The following TUFT1 variants were observed in gnomAD, a reference collection of about 807,000 sequenced individuals.
TUFT1 encodes the protein tuftelin 1, also known as tuftelin.
In TUFT1, 43 loss-of-function variants were observed where a neutral mutation model predicts 57.8. That is an observed-to-expected ratio of 0.74 (90% CI 0.58 to 0.96). TUFT1 has a LOEUF of 0.96. Ranked by LOEUF, TUFT1 falls within the 40% of genes least tolerant of loss-of-function variation. TUFT1 has a pLI of 0.00. For synonymous variants in TUFT1, 166 were observed against 176.7 expected (o/e 0.94, Z 0.48); for missense variants, 459 against 489.0 (o/e 0.94, Z 0.58).
intron 7 of TUFT1, among the ~76,000 whole-genome samples, chr1:151,570,987 A>G (rs911245638): frequency 6.6e-6 from 1 of 152,130 alleles, no homozygotes; most frequent in African/African-American, 2.4e-5. Flanking sequence ...GATTACAGGC[A>G]TGAGCCACCA....
At chr1:151,548,891 G>A (rs1051685379) in intron 1 of TUFT1, among the ~76,000 whole-genome samples, 1 of 152,148 alleles carries the variant, frequency 6.6e-6, no homozygotes, top group Non-Finnish European at 1.5e-5. Flanking sequence ...ATTCACATGA[G>A]CCTGTGGTGT....
intron 1 of TUFT1, among the ~76,000 whole-genome samples, chr1:151,551,865 A>C (rs1324872542): frequency 6.6e-6 from 1 of 152,150 alleles, no homozygotes; most frequent in Non-Finnish European, 1.5e-5. Context: ...TTTAATAGTA[A>C]CATATATACA....
In TUFT1 at chr1:151,574,254, C is replaced by G; in HGVS notation, c.595-16C>G. ...TTTTTCCACACCATTTAACATATTC[C>G]TGCTCCGTGTTTTAGGTCACACTCA... On this transcript the variant is annotated splice_polypyrimidine_tract_variant and intron_variant, in intron 7 of 12. Transcript: ENST00000368849. 6.2e-7 allele frequency: 1 copy of G among 1,611,146 alleles called. No individual in the cohort carries two copies. The highest frequency in any genetic ancestry group is 1.1e-5 in the South Asian group (1 of 90,530).
rs114000984 is a variant in TUFT1 at position 151,552,197 on chromosome 1, T to G, written c.61-9894T>G. On this transcript the variant is annotated intron_variant, in intron 1 of 12. Coordinates refer to ENST00000368849, the MANE Select transcript of TUFT1 (RefSeq NM_020127.3). ...TGTACAGTGCTTCATTCTTTTTCAT[T>G]GTTGTACAAAGTTCCATTGTATGAA... is the stretch of plus-strand genomic sequence containing the variant. Among the ~76,000 whole-genome samples, 749 of 152,336 alleles carry G rather than the reference T, an allele frequency of 4.9e-3. 4 individuals carry two copies. Among genetic ancestry groups the G allele is most frequent in the African/African-American group, 0.017 (717 of 41,566 alleles).
rs1665779174 is a variant in TUFT1 at position 151,558,345 on chromosome 1, T to TAACCTTTGAGGG, written c.61-3744_61-3733dup. 2.6e-5 allele frequency among the ~76,000 whole-genome samples: 4 copies of TAACCTTTGAGGG among 151,724 alleles called. No homozygotes were observed. The South Asian group carries it at 8.4e-4, about 32-fold the overall frequency. On this transcript the variant is annotated intron_variant, in intron 1 of 12. Transcript: ENST00000368849. ...CTCTCTGTCATTTCCGAAGAGAAAA[T>TAACCTTTGAGGG]AACCTTTGAGGGATCCCCTCAAAGG...
chr1:151,549,853 C>T (rs1665454124), intron 1 of TUFT1, among the ~76,000 whole-genome samples: 14 of 152,180 alleles, frequency 9.2e-5, no homozygotes, highest in Admixed American at 9.2e-4. Context: ...TCCCTAGTAG[C>T]TGGGACTGCA....
intron 3 of TUFT1, 103 bp from the exon 4 acceptor site, chr1:151,563,801 G>T: frequency 1.1e-6 from 1 of 919,150 alleles, no homozygotes; most frequent in Non-Finnish European, 1.8e-6. Context: ...CCAGTAAATT[G>T]GTGGTAACAA....
rs143645231 is a variant in TUFT1, at chr1:151,541,765, C to A, written c.60+1339C>A. Among the ~76,000 whole-genome samples the A allele has an allele frequency of 5.3e-3, 811 of 152,330 alleles. 6 individuals are homozygous for A. The highest frequency in any genetic ancestry group is 0.018 in the African/African-American group (748 of 41,566). On this transcript the variant is annotated intron_variant, in intron 1 of 12. Transcript: ENST00000368849. ...CCAAACCCCATTCTTCTGTAGCCTG[C>A]CACATCCCCAGCTATGAGACTCTGA... is the stretch of plus-strand genomic sequence containing the variant.
At chr1:151,566,310 C>T (rs45591937) in intron 6 of TUFT1, 82 bp downstream of exon 6, 32,955 of 451,258 alleles carry the variant, frequency 0.073, 614 homozygotes, top group Non-Finnish European at 0.095. Context: ...TTATTGCTTT[C>T]TCTCTCTCTC....
In TUFT1 at chr1:151,561,699, C is replaced by G. The variant is rs1033406990; in HGVS notation, c.61-392C>G. 2.3e-6 allele frequency: 3 copies of G among 1,291,022 alleles called. No homozygotes were observed. In the African/African-American group the frequency reaches 4.5e-5, roughly 20 times the overall value. 80.0% of individuals were successfully genotyped at this position (1,291,022 alleles called of 1,614,324 possible). A position where few individuals can be genotyped will look rare whatever the true frequency, so the allele number is the denominator to read the frequency against. Reference sequence around the variant, plus strand: ...CTAGTCTTGTAAAGTGCATCAATAACTTGCTGGCTGGTTGTCAGGAGCAGA... The same window carrying G: ...CTAGTCTTGTAAAGTGCATCAATAAGTTGCTGGCTGGTTGTCAGGAGCAGA... On this transcript the variant is annotated intron_variant, in intron 1 of 12. Coordinates refer to ENST00000368849, the MANE Select transcript of TUFT1 (RefSeq NM_020127.3).
At chr1:151,574,623 C>A (rs1208548744) in intron 8 of TUFT1, among the ~76,000 whole-genome samples, 1 of 152,218 alleles carries the variant, frequency 6.6e-6, no homozygotes, top group African/African-American at 2.4e-5. Flanking sequence ...TGTACAGATG[C>A]CCCTTTTGAA....
At chr1:151,556,008 C>T (rs2102528953) in intron 1 of TUFT1, among the ~76,000 whole-genome samples, 1 of 152,230 alleles carries the variant, frequency 6.6e-6, no homozygotes, top group Non-Finnish European at 1.5e-5. Flanking sequence ...CCCTCCTCCC[C>T]CCCACTTTCT....
At chr1:151,541,366 G>A (rs1040105213) in intron 1 of TUFT1, among the ~76,000 whole-genome samples, 3 of 152,178 alleles carry the variant, frequency 2.0e-5, no homozygotes, top group African/African-American at 7.2e-5. Context: ...CCTCTCCAGA[G>A]GCTGAGGAGG....
chr1:151,577,765 G>A (rs1666521680), intron 9 of TUFT1, among the ~76,000 whole-genome samples: 1 of 152,190 alleles, frequency 6.6e-6, no homozygotes, highest in Non-Finnish European at 1.5e-5. Flanking sequence ...GCTCACACCT[G>A]TAATCCTAGC....
At chr1:151,555,699 C>G (rs1380798476) in intron 1 of TUFT1, among the ~76,000 whole-genome samples, 2 of 150,428 alleles carry the variant, frequency 1.3e-5, no homozygotes, top group Non-Finnish European at 3.0e-5. Context: ...ATCGTTTGAA[C>G]CCAGGAGGCA....
chr1:151,575,096 T>C, intron 9 of TUFT1, 91 bp downstream of exon 9: 1 of 1,170,210 alleles, frequency 8.5e-7, no homozygotes. Context: ...TGGCCTGGTC[T>C]GGGGAGGAAG....
chr1:151,543,327 A>ATG (rs10626781), intron 1 of TUFT1, among the ~76,000 whole-genome samples: 4,613 of 146,680 alleles, frequency 0.031, 92 homozygotes, highest in East Asian at 0.091. Flanking sequence ...TTATATATAT[A>ATG]TGTGTGTGTG....
At chr1:151,573,928 G>C (rs1160835997) in intron 7 of TUFT1, among the ~76,000 whole-genome samples, 1 of 152,142 alleles carries the variant, frequency 6.6e-6, no homozygotes, top group Admixed American at 6.5e-5. Context: ...TGAATTTGTA[G>C]GAAAGCCACA....
chr1:151,548,118 T>C (rs901175543), intron 1 of TUFT1, among the ~76,000 whole-genome samples: 4 of 152,148 alleles, frequency 2.6e-5, no homozygotes, highest in Non-Finnish European at 4.4e-5. Context: ...GGCAGGACCA[T>C]GTACCTGAGA....
Sources: allele counts gnomAD v4.1 joint callset (sites outside exome capture counted in the v4.1 genomes callset), GRCh38; gene constraint gnomAD v4.1.1; transcripts MANE v1.5; gene names NCBI Gene and HGNC (gene_info 2026-07-23, HGNC 2026-07-21).